Variants in CD99 observed in about 807,000 individuals in gnomAD.
CD99 encodes CD99 antigen.
CD99 carries 19 observed loss-of-function variants against 28.4 expected under a neutral mutation model. The observed-to-expected ratio is 0.67, with a 90% CI of 0.47 to 0.98. CD99 has a LOEUF of 0.98. CD99 is among the 50% of genes least tolerant of loss of function. The probability of loss-of-function intolerance (pLI) is 0.00; values close to 1 mark genes in which losing one functional copy is unlikely to be tolerated. For synonymous variants in CD99, 103 were observed against 92.1 expected (o/e 1.12, Z -0.67); for missense variants, 283 against 248.8 (o/e 1.14, Z -0.92).
At chrX:2,700,458 G>A (rs1455801840) in intron 1 of CD99, among the ~76,000 whole-genome samples, 12 of 147,530 alleles carry the variant, frequency 8.1e-5, no homozygotes, top group Admixed American at 4.0e-4. Flanking sequence ...CCATCCATCC[G>A]TTCGTCCATC....
chrX:2,712,200 T>C (rs1477474268), intron 1 of CD99, among the ~76,000 whole-genome samples: 1 of 151,350 alleles, frequency 6.6e-6, no homozygotes, highest in Non-Finnish European at 1.5e-5. Context: ...CAGAGTGGAA[T>C]GGCGGTGACC....
intron 9 of CD99, among the ~76,000 whole-genome samples, chrX:2,739,445 A>G (rs73188889): frequency 0.051 from 7,698 of 151,800 alleles, 220 homozygotes; most frequent in Non-Finnish European, 0.059. Context: ...ATGATTTAAA[A>G]TATTTTAATT....
chrX:2,725,134 G>A (rs1190552194), intron 7 of CD99, among the ~76,000 whole-genome samples: 3 of 151,174 alleles, frequency 2.0e-5, no homozygotes, highest in Non-Finnish European at 4.4e-5. Context: ...GGTGGCTCAT[G>A]CGTGTAATCC....
intron 2 of CD99, among the ~76,000 whole-genome samples, chrX:2,716,342 C>CT (rs1556318417): frequency 5.5e-4 from 83 of 150,896 alleles, no homozygotes; most frequent in African/African-American, 1.5e-3. Context: ...TTATGTTTTA[C>CT]TTTTTTTTTT....
At chrX:2,698,976 G>A (rs1346044661) in intron 1 of CD99, among the ~76,000 whole-genome samples, 1 of 151,324 alleles carries the variant, frequency 6.6e-6, no homozygotes, top group African/African-American at 2.4e-5. Flanking sequence ...ACCCAGGCTG[G>A]AGTGCAGTGG....
chrX:2,718,229 C>A (rs1206557444), intron 3 of CD99, among the ~76,000 whole-genome samples: 2 of 152,024 alleles, frequency 1.3e-5, no homozygotes, highest in Non-Finnish European at 2.9e-5. Context: ...CCATGCACGG[C>A]CTGTGTCTTT....
At chrX:2,725,671 C>T (rs1405816540) in intron 7 of CD99, among the ~76,000 whole-genome samples, 5 of 152,016 alleles carry the variant, frequency 3.3e-5, no homozygotes, top group Non-Finnish European at 4.4e-5. Flanking sequence ...TGGAGTGCAG[C>T]GGCACAATCT....
intron 9 of CD99, among the ~76,000 whole-genome samples, chrX:2,739,744 G>A (rs1447292162): frequency 1.4e-5 from 2 of 147,536 alleles, no homozygotes; most frequent in Admixed American, 6.8e-5. Context: ...ATGAGCCACC[G>A]TGCCTGGCAT....
rs1033101410 is a variant in CD99, at chrX:2,729,072, T to TC, written c.475+2706dup. On this transcript the variant is annotated intron_variant, in intron 8 of 9. Transcript: ENST00000381192. ...TCTCGAACTCGTGACCTCAGGTGGT[T>TC]CCCCCCCGCAATCTTGGCCTCCCAA... 3.4e-3 allele frequency among the ~76,000 whole-genome samples: 518 copies of TC among 151,784 alleles called. 8 individuals are homozygous for TC. In the Middle Eastern group the frequency reaches 0.044, roughly 13 times the overall value.
intron 2 of CD99, among the ~76,000 whole-genome samples, chrX:2,717,103 T>A (rs1439055538): frequency 6.6e-6 from 1 of 151,758 alleles, no homozygotes; most frequent in East Asian, 1.9e-4. Flanking sequence ...TCCCAGCACT[T>A]TGGGAGGACG....
At chrX:2,730,793 AT>A (rs1442479510) in intron 8 of CD99, among the ~76,000 whole-genome samples, 5 of 152,002 alleles carry the variant, frequency 3.3e-5, no homozygotes, top group Admixed American at 2.6e-4. Context: ...GCTGTGCGTG[AT>A]GGTGGGCACC....
intron 8 of CD99, among the ~76,000 whole-genome samples, chrX:2,733,037 C>CTCCTTCCCTCCTCGT (rs1462961461): frequency 1.4e-5 from 2 of 139,460 alleles, no homozygotes; most frequent in African/African-American, 5.7e-5. Context: ...TTTTTCCAAC[C>CTCCTTCCCTCCTCGT]TCCTTCCCTC....
chrX:2,724,118 G>A (rs190691207), intron 7 of CD99, among the ~76,000 whole-genome samples: 6 of 151,798 alleles, frequency 4.0e-5, no homozygotes, highest in African/African-American at 1.5e-4. Flanking sequence ...TTTCTTTGAA[G>A]AGGTAGTAAT....
Position 2,714,485 on chromosome X carries a change from G to A in CD99, c.100+31G>A, listed in dbSNP as rs377712909. 4.2e-5 allele frequency: 66 copies of A among 1,563,194 alleles called. No individual in the cohort carries two copies. The African/African-American group carries it at 5.0e-4, about 12-fold the overall frequency. ...TATCAACATCATTTTTTAAAATCCC[G>A]TCAATATTTTATGTTAACATAGTAT... On this transcript the variant is annotated intron_variant, in intron 2 of 9. Transcript: ENST00000381192.
intron 1 of CD99, among the ~76,000 whole-genome samples, chrX:2,714,177 C>G (rs2048575798): frequency 6.6e-6 from 1 of 152,100 alleles, no homozygotes; most frequent in Non-Finnish European, 1.5e-5. Flanking sequence ...TGTTTTTACA[C>G]TATTTTAATT....
intron 8 of CD99, among the ~76,000 whole-genome samples, chrX:2,729,223 C>A (rs1307114018): frequency 6.6e-6 from 1 of 152,162 alleles, no homozygotes; most frequent in Non-Finnish European, 1.5e-5. Context: ...ATCTTTAGGT[C>A]AACCCAAATT....
At chrX:2,698,604 C>T (rs2047687418) in intron 1 of CD99, among the ~76,000 whole-genome samples, 1 of 151,998 alleles carries the variant, frequency 6.6e-6, no homozygotes, top group African/African-American at 2.4e-5. Context: ...GTAGTTGGGA[C>T]TATGGGCACA....
At chrX:2,709,557 G>T (rs2048289505) in intron 1 of CD99, among the ~76,000 whole-genome samples, 1 of 152,256 alleles carries the variant, frequency 6.6e-6, no homozygotes, top group South Asian at 2.1e-4. Context: ...ATATATGCAT[G>T]CACATGTGTG....
chrX:2,733,798 G>T (rs41311467), intron 8 of CD99: 9,912 of 199,732 alleles, frequency 0.05, 286 homozygotes, highest in African/African-American at 0.072. Context: ...ACGTCCTAAG[G>T]ATTTGACCTT....
Sources: allele counts gnomAD v4.1 joint callset (sites outside exome capture counted in the v4.1 genomes callset), GRCh38; gene constraint gnomAD v4.1.1; transcripts MANE v1.5; gene names NCBI Gene and HGNC (gene_info 2026-07-23, HGNC 2026-07-21).